The following FTCDNL1 variants were observed in gnomAD, a reference collection of about 807,000 sequenced individuals.
FTCDNL1 encodes the protein formiminotransferase N-terminal subdomain-containing protein.
In FTCDNL1, 11 loss-of-function variants were observed where a neutral mutation model predicts 5.9. The ratio of observed to expected loss-of-function variants is 1.87; its 90% CI spans 1.18 to 3.10. The LOEUF (loss-of-function observed/expected upper bound fraction) is 3.10, where lower values mean the gene tolerates loss of function less well. Among genes scored for constraint, FTCDNL1 ranks in the 30% most tolerant of loss-of-function variants. FTCDNL1 has a pLI of 0.00. For missense variants in FTCDNL1, 115 were observed against 65.5 expected (o/e 1.76, Z -2.61); for synonymous variants, 58 against 24.8 (o/e 2.34, Z -3.99).
At position 199,827,390 on chromosome 2, in the gene FTCDNL1, G is replaced by T. The variant is rs114372942; in HGVS notation, c.212-7633C>A. ...GACTCAGAGATACAACAATCAGTGT[G>T]ATGTATGAGCCATGTTAGATCCAGA... On this transcript the variant is annotated intron_variant, in intron 3 of 4. Transcript: ENST00000420128. Among the ~76,000 whole-genome samples, 469 of 152,258 alleles carry T rather than the reference G, an allele frequency of 3.1e-3. 2 individuals carry two copies. The highest frequency in any genetic ancestry group is 0.011 in the African/African-American group (446 of 41,532).
chr2:199,726,591 ATAT>A, the FTCDNL1 span, among the ~76,000 whole-genome samples: 1 of 150,984 alleles, frequency 6.6e-6, no homozygotes, highest in African/African-American at 2.4e-5. Flanking sequence ...TTTTTTGTTG[ATAT>A]TGTTGTTGTT....
At chr2:199,785,590 A>G (rs911876003) in intron 3 of FTCDNL1, 3 of 152,120 alleles carry the variant, frequency 2.0e-5, no homozygotes, top group Non-Finnish European at 4.4e-5. Context: ...TGTAGATATT[A>G]TTTCAAAATA....
intron 3 of FTCDNL1, among the ~76,000 whole-genome samples, chr2:199,770,512 A>C (rs1698757319): frequency 6.6e-6 from 1 of 152,182 alleles, no homozygotes; most frequent in Admixed American, 6.5e-5. Flanking sequence ...CTACTTCTTC[A>C]TATCTGAATC....
the FTCDNL1 span, among the ~76,000 whole-genome samples, chr2:199,752,361 G>A: frequency 6.6e-6 from 1 of 152,228 alleles, no homozygotes; most frequent in East Asian, 1.9e-4. Context: ...TCAATTTTAT[G>A]AGTCCACTTG....
chr2:199,833,076 C>G (rs920363964), intron 3 of FTCDNL1, among the ~76,000 whole-genome samples: 1 of 151,916 alleles, frequency 6.6e-6, no homozygotes, highest in African/African-American at 2.4e-5. Context: ...TCAAGCAATC[C>G]TCCCACCTCA....
At chr2:199,845,855 T>C (rs1019980152) in intron 3 of FTCDNL1, among the ~76,000 whole-genome samples, 3 of 151,584 alleles carry the variant, frequency 2.0e-5, no homozygotes, top group African/African-American at 7.3e-5. Context: ...AAAAAAGTTA[T>C]GAAATCTTGG....
At chr2:199,746,390 C>A in the FTCDNL1 span, among the ~76,000 whole-genome samples, 1 of 152,082 alleles carries the variant, frequency 6.6e-6, no homozygotes, top group African/African-American at 2.4e-5. Flanking sequence ...CATGGAGTGA[C>A]AAGTTAGAAT....
the FTCDNL1 span, among the ~76,000 whole-genome samples, chr2:199,748,065 A>C: frequency 6.6e-6 from 1 of 152,222 alleles, no homozygotes; most frequent in African/African-American, 2.4e-5. Context: ...GAACGAAGTC[A>C]ACTTTTGAAA....
At chr2:199,706,802 T>C in the FTCDNL1 span, among the ~76,000 whole-genome samples, 1 of 152,206 alleles carries the variant, frequency 6.6e-6, no homozygotes, top group African/African-American at 2.4e-5. Flanking sequence ...GTGGCTACAA[T>C]GCAGCTTTCA....
intron 3 of FTCDNL1, among the ~76,000 whole-genome samples, chr2:199,767,298 C>T (rs1190144920): frequency 6.6e-6 from 1 of 152,144 alleles, no homozygotes; most frequent in African/African-American, 2.4e-5. Flanking sequence ...CTTAGAAGCC[C>T]TTGAAGCCAG....
chr2:199,768,758 A>C (rs1450148736), intron 3 of FTCDNL1, among the ~76,000 whole-genome samples: 1 of 152,166 alleles, frequency 6.6e-6, no homozygotes, highest in Non-Finnish European at 1.5e-5. Context: ...TGTGAAAAGC[A>C]AGAGTTCTAC....
At chr2:199,804,800 A>C (rs561114055), downstream of FTCDNL1, among the ~76,000 whole-genome samples, 12 of 152,304 alleles carry the variant, frequency 7.9e-5, no homozygotes, top group South Asian at 2.1e-3. Flanking sequence ...GCCAGTCTGA[A>C]CCCAATCAGG....
rs114991524 is a variant in FTCDNL1, at chr2:199,820,415, G to A, written c.212-658C>T. 3.1e-3 allele frequency among the ~76,000 whole-genome samples: 470 copies of A among 152,050 alleles called. 2 individuals carry two copies. The highest frequency in any genetic ancestry group is 0.011 in the African/African-American group (447 of 41,476). On this transcript the variant is annotated intron_variant, in intron 3 of 4. Coordinates refer to ENST00000420128, the MANE Select transcript of FTCDNL1 (RefSeq NM_001363886.2). Reference sequence around the variant, plus strand: ...AGCCAGGAGTTTGAGAACAGCCTGGGCAACATAGTTAGACTCCTATCTCTA... The same window carrying A: ...AGCCAGGAGTTTGAGAACAGCCTGGACAACATAGTTAGACTCCTATCTCTA...
intron 3 of FTCDNL1, among the ~76,000 whole-genome samples, chr2:199,771,920 C>A (rs1451442734): frequency 6.6e-6 from 1 of 152,136 alleles, no homozygotes; most frequent in African/African-American, 2.4e-5. Context: ...TATGTTTTAT[C>A]CTATATATAC....
At chr2:199,829,088 C>A (rs1034991057) in intron 3 of FTCDNL1, among the ~76,000 whole-genome samples, 8 of 152,128 alleles carry the variant, frequency 5.3e-5, no homozygotes, top group African/African-American at 7.2e-5. Context: ...TATGAATCAC[C>A]TGTTCAGAAA....
At position 199,822,803 on chromosome 2, in the gene FTCDNL1, T is replaced by C. The variant is rs146894604; in HGVS notation, c.212-3046A>G. Among the ~76,000 whole-genome samples the C allele has an allele frequency of 5.4e-3, 830 of 152,314 alleles. 8 individuals are homozygous for C. The highest frequency in any genetic ancestry group is 0.019 in the African/African-American group (786 of 41,564). On this transcript the variant is annotated intron_variant, in intron 3 of 4. Transcript: ENST00000420128. Reference sequence around the variant, plus strand: ...AGATTCCACATTAAGAAACTTCTTTTATTGCTTCATCCATAAGAAGTAACT... The same window carrying C: ...AGATTCCACATTAAGAAACTTCTTTCATTGCTTCATCCATAAGAAGTAACT...
chr2:199,699,276 G>T, the FTCDNL1 span, among the ~76,000 whole-genome samples: 1 of 152,068 alleles, frequency 6.6e-6, no homozygotes, highest in Non-Finnish European at 1.5e-5. Context: ...AGACCAGCCT[G>T]GGCAACATGA....
chr2:199,697,871 G>A, the FTCDNL1 span, among the ~76,000 whole-genome samples: 1 of 152,294 alleles, frequency 6.6e-6, no homozygotes, highest in African/African-American at 2.4e-5. Context: ...ACTGTATGCT[G>A]TCTTCATTAG....
At chr2:199,757,232 C>A (rs185831779), downstream of FTCDNL1, among the ~76,000 whole-genome samples, 30 of 152,188 alleles carry the variant, frequency 2.0e-4, no homozygotes, top group East Asian at 3.9e-4. Flanking sequence ...ATATAAGAAC[C>A]CTTCTAGGAA....
Sources: gnomAD v4.1 joint callset for allele counts (sites outside exome capture counted in the v4.1 genomes callset) on GRCh38, gnomAD v4.1.1 for gene constraint, MANE v1.5 for transcripts, NCBI Gene and HGNC (gene_info 2026-07-23, HGNC 2026-07-21) for gene names.